The following ELP4 variants were observed in gnomAD, a reference collection of about 807,000 sequenced individuals.
ELP4 encodes elongator acetyltransferase complex subunit 4, also known as elongator complex protein 4.
A neutral mutation model predicts 48.9 loss-of-function variants in ELP4; 51 were observed. The observed-to-expected ratio is 1.04, with a 90% CI of 0.83 to 1.32. ELP4 has a LOEUF of 1.32. ELP4 is among the 40% of genes most tolerant of loss of function. ELP4 has a pLI of 0.00. For synonymous variants in ELP4, 210 were observed against 189.2 expected, an observed-to-expected ratio of 1.11 and a Z score of -0.90; for missense variants, 519 against 514.6, an observed-to-expected ratio of 1.01 and a Z score of -0.08.
rs184936606 is a variant in ELP4, at chr11:31,694,966, T to A, written c.1143+44745T>A. Reference sequence around the variant, plus strand: ...TCATGATTTGGCTCTCTGTCTGTTATTGGTGTATAAGAATGCTTGTGATTT... The same window carrying A: ...TCATGATTTGGCTCTCTGTCTGTTAATGGTGTATAAGAATGCTTGTGATTT... On this transcript the variant is annotated intron_variant, in intron 9 of 9. Transcript: ENST00000640961. 4.6e-5 allele frequency among the ~76,000 whole-genome samples: 7 copies of A among 152,128 alleles called. No homozygotes were observed. In the East Asian group the frequency reaches 5.8e-4, roughly 13 times the overall value.
chr11:31,694,184 A>G (rs977290803), intron 9 of ELP4, among the ~76,000 whole-genome samples: 2 of 152,024 alleles, frequency 1.3e-5, no homozygotes, highest in African/African-American at 4.8e-5. Context: ...CCATTTGTCA[A>G]TTTTGGCTTT....
chr11:31,677,232 G>A (rs887606876), intron 9 of ELP4, among the ~76,000 whole-genome samples: 7 of 152,154 alleles, frequency 4.6e-5, no homozygotes, highest in Non-Finnish European at 1.0e-4. Flanking sequence ...GAAACAAAAT[G>A]CAATCCCCTT....
intron 1 of ELP4, among the ~76,000 whole-genome samples, chr11:31,512,824 A>G (rs1208325567): frequency 6.9e-5 from 1 of 14,556 alleles, no homozygotes; most frequent in Non-Finnish European, 1.4e-4. Flanking sequence ...ACCCAACCCC[A>G]TTCCCTGTAA....
At chr11:31,719,537 C>G (rs1946913655) in intron 9 of ELP4, 1 of 397,986 alleles carries the variant, frequency 2.5e-6, no homozygotes, top group East Asian at 3.6e-5. Flanking sequence ...AAACTTGTAG[C>G]TTTGTGTTTA....
At chr11:31,693,198 G>A (rs944536051) in intron 9 of ELP4, among the ~76,000 whole-genome samples, 1 of 152,050 alleles carries the variant, frequency 6.6e-6, no homozygotes, top group Non-Finnish European at 1.5e-5. Flanking sequence ...TAGGGTACAT[G>A]TGCATAACAT....
At chr11:31,745,064 G>A (rs1454166873) in intron 9 of ELP4, among the ~76,000 whole-genome samples, 6 of 152,134 alleles carry the variant, frequency 3.9e-5, no homozygotes, top group African/African-American at 1.2e-4. Context: ...AAATCAATGT[G>A]CAAAACTCAC....
chr11:31,602,616 A>G (rs534902562), intron 4 of ELP4, among the ~76,000 whole-genome samples: 6 of 151,974 alleles, frequency 3.9e-5, no homozygotes, highest in Non-Finnish European at 8.8e-5. Flanking sequence ...TTTATTTCTT[A>G]TTACTGTATA....
chr11:31,624,098 G>C (rs1023298243), intron 5 of ELP4, among the ~76,000 whole-genome samples: 1 of 151,778 alleles, frequency 6.6e-6, no homozygotes, highest in Non-Finnish European at 1.5e-5. Flanking sequence ...CTTGTATACT[G>C]TTGGTGGAAA....
chr11:31,697,575 A>AGTACTTCT, intron 9 of ELP4, among the ~76,000 whole-genome samples: 1 of 152,152 alleles, frequency 6.6e-6, no homozygotes, highest in African/African-American at 2.4e-5. Flanking sequence ...TCTGTAAATA[A>AGTACTTCT]AGTATTTGTA....
intron 2 of ELP4, among the ~76,000 whole-genome samples, chr11:31,539,418 A>AGT (rs1182274009): frequency 6.6e-6 from 1 of 152,042 alleles, no homozygotes; most frequent in Non-Finnish European, 1.5e-5. Context: ...GCGCCACTGC[A>AGT]CCTCCAGCCT....
intron 9 of ELP4, among the ~76,000 whole-genome samples, chr11:31,746,556 C>CTT (rs1258203005): frequency 4.6e-5 from 7 of 152,084 alleles, no homozygotes; most frequent in Admixed American, 4.6e-4. Context: ...TGCTATGCAG[C>CTT]CATAAAAAAT....
At chr11:31,694,688 A>G (rs541057409) in intron 9 of ELP4, among the ~76,000 whole-genome samples, 1 of 152,180 alleles carries the variant, frequency 6.6e-6, no homozygotes, top group Non-Finnish European at 1.5e-5. Flanking sequence ...AGTTTTTCTA[A>G]TTCTGTGAAG....
At chr11:31,566,124 A>G (rs1417107193) in intron 3 of ELP4, among the ~76,000 whole-genome samples, 2 of 152,054 alleles carry the variant, frequency 1.3e-5, no homozygotes, top group Non-Finnish European at 2.9e-5. Flanking sequence ...TTGGATGATC[A>G]AGGCGGTTAG....
chr11:31,610,487 T>C (rs1371778523), intron 5 of ELP4, among the ~76,000 whole-genome samples: 2 of 152,182 alleles, frequency 1.3e-5, no homozygotes, highest in South Asian at 2.1e-4. Context: ...TAGTACCCAA[T>C]AGGTGTTTTT....
Position 31,539,708 on chromosome 11 carries a change from C to T in ELP4, c.306C>T (p.Phe102=). The T allele has an allele frequency of 6.2e-7, 1 of 1,610,318 alleles. No individual in the cohort carries two copies. The highest frequency in any genetic ancestry group is 8.5e-7 in the Non-Finnish European group (1 of 1,178,158). ...ACTCACCTTTGCTCTTCAAGTATTT[C>T]CTGGCAGAAGGAATTGTCAATGGGC... ...NIYSPLLFKY[F]LAEGIVNGHT... is the part of the protein sequence containing the mutation. Residue 102 remains phenylalanine, a synonymous_variant, in exon 3 of 10, where the codon TTC becomes TTT. Transcript: ENST00000640961.
chr11:31,648,001 G>A (rs1214033980), intron 8 of ELP4, 152 bp downstream of exon 8: 1 of 541,080 alleles, frequency 1.8e-6, no homozygotes, highest in East Asian at 3.1e-5. Flanking sequence ...GTCTTCCATG[G>A]CAGCTTATTA....
At chr11:31,767,586 C>A (rs932266317) in intron 9 of ELP4, 219 of 150,360 alleles carry the variant, frequency 1.5e-3, no homozygotes, top group African/African-American at 5.1e-3. Flanking sequence ...AACAAACAAC[C>A]AAAAAAAAAG....
Position 31,647,830 on chromosome 11 carries a change from A to C in ELP4, c.1017A>C (p.Pro339=), listed in dbSNP as rs759777429. ...SFIGSERETN[P]LYKDYHGLIH... ...TTGGTTCTGAGAGAGAAACTAACCC[A>C]TTGTATAAGGATTATCATGGTAAGT... The change falls in exon 8 of 10, where the codon CCA becomes CCC. Residue 339 remains proline, a synonymous_variant. Transcript: ENST00000640961. 1 of 1,596,072 alleles carries C rather than the reference A, an allele frequency of 6.3e-7. No homozygotes were observed. Among genetic ancestry groups the C allele is most frequent in the Non-Finnish European group, 8.6e-7 (1 of 1,164,574 alleles).
chr11:31,529,973 C>G (rs1956367397), intron 2 of ELP4, among the ~76,000 whole-genome samples: 2 of 152,302 alleles, frequency 1.3e-5, no homozygotes, highest in South Asian at 4.1e-4. Context: ...GGACATCTCT[C>G]TACCTGTGCC....
Sources: gnomAD v4.1 joint callset for allele counts (sites outside exome capture counted in the v4.1 genomes callset) on GRCh38, gnomAD v4.1.1 for gene constraint, MANE v1.5 for transcripts, NCBI Gene and HGNC (gene_info 2026-07-23, HGNC 2026-07-21) for gene names.